The following PIWIL1 variants were observed in gnomAD, a reference collection of about 807,000 sequenced individuals.
PIWIL1 encodes piwi like RNA-mediated gene silencing 1.
PIWIL1 carries 73 observed loss-of-function variants against 114.4 expected under a neutral mutation model. The observed-to-expected ratio is 0.64, with a 90% CI of 0.53 to 0.78. The LOEUF is 0.78. PIWIL1 is among the 30% of genes least tolerant of loss of function. The pLI is 0.00. For synonymous variants in PIWIL1, 375 were observed against 369.0 expected (o/e 1.02, Z -0.19); for missense variants, 723 against 1,063.1 (o/e 0.68, Z 4.45).
At chr12:130,342,239 A>G in intron 1 of PIWIL1, 1 of 305,560 alleles carries the variant, frequency 3.3e-6, no homozygotes, top group Non-Finnish European at 6.2e-6. Context: ...GTATCTCCAA[A>G]TGGGAAAGAA....
chr12:130,371,170 T>A lies in PIWIL1; in HGVS notation c.2322-6T>A. The A allele has an allele frequency of 6.2e-7, 1 of 1,613,892 alleles. No homozygotes were observed. Among genetic ancestry groups the A allele is most frequent in the Non-Finnish European group, 8.5e-7 (1 of 1,179,820 alleles). On this transcript the variant is annotated splice_region_variant and splice_polypyrimidine_tract_variant and intron_variant, in intron 19 of 20. Transcript: ENST00000245255. ...CAGCACATCCGTGTGTTTTCTGTAA[T>A]TCCAGGTATGACTTTTTTATCGTGA...
chr12:130,424,657 G>A, the PIWIL1 span: 1 of 1,231,932 alleles, frequency 8.1e-7, no homozygotes, highest in Non-Finnish European at 1.0e-6. This position sits in a 1 kb window ranked among gnomAD's most constrained non-coding sequence, Gnocchi z 9.8. Flanking sequence ...CCCCTGTAGG[G>A]CCTGCCGGGC....
At chr12:130,399,830 G>A in the PIWIL1 span, 4 of 1,613,352 alleles carry the variant, frequency 2.5e-6, no homozygotes, top group Non-Finnish European at 2.5e-6. Flanking sequence ...CACCAGGGGT[G>A]AGGCAGAAGA....
chr12:130,347,992 G>A, intron 6 of PIWIL1, 111 bp from the exon 7 acceptor site: 1 of 619,320 alleles, frequency 1.6e-6, no homozygotes, highest in Non-Finnish European at 2.8e-6. Flanking sequence ...GGTTGGATTT[G>A]GCCTGGCTAC....
At chr12:130,354,060 T>TA (rs2073294084) in intron 9 of PIWIL1, among the ~76,000 whole-genome samples, 2 of 152,348 alleles carry the variant, frequency 1.3e-5, no homozygotes, top group African/African-American at 2.4e-5. Context: ...CAAGATTTTA[T>TA]AAAAAACTTT....
At chr12:130,362,859 A>G (rs1345888154) in intron 17 of PIWIL1, 23 bp downstream of exon 17, 3 of 1,612,896 alleles carry the variant, frequency 1.9e-6, no homozygotes. Flanking sequence ...TGGGGTTGCC[A>G]TTCTACTCTC....
chr12:130,353,805 A>G (rs572968195), intron 9 of PIWIL1, among the ~76,000 whole-genome samples: 1 of 150,762 alleles, frequency 6.6e-6, no homozygotes, highest in East Asian at 2.2e-4. Context: ...GTGCACCTGT[A>G]ATCCCAGCTA....
the PIWIL1 span, chr12:130,396,252 T>TATTA: frequency 6.6e-6 from 1 of 152,660 alleles, no homozygotes; most frequent in Admixed American, 6.5e-5. Flanking sequence ...TACCACATAC[T>TATTA]ATTATATTAC....
At chr12:130,347,220 A>G (rs1332517493) in intron 6 of PIWIL1, among the ~76,000 whole-genome samples, 158 bp downstream of exon 6, 1 of 152,210 alleles carries the variant, frequency 6.6e-6, no homozygotes, top group Non-Finnish European at 1.5e-5. Flanking sequence ...ACTGATAGAA[A>G]ATTCATCTAT....
chr12:130,417,990 G>T, the PIWIL1 span, among the ~76,000 whole-genome samples: 6 of 152,128 alleles, frequency 3.9e-5, no homozygotes, highest in East Asian at 1.2e-3. Flanking sequence ...GGGAGAAGCA[G>T]CCCAGTGTGA....
the PIWIL1 span, among the ~76,000 whole-genome samples, chr12:130,394,816 A>G: frequency 1.1e-5 from 1 of 92,034 alleles, no homozygotes; most frequent in Non-Finnish European, 2.8e-5. Flanking sequence ...AAAAATGTTT[A>G]TGTGCATGAG....
At chr12:130,417,864 T>G in the PIWIL1 span, among the ~76,000 whole-genome samples, 18 of 151,298 alleles carry the variant, frequency 1.2e-4, no homozygotes, top group African/African-American at 4.4e-4. Flanking sequence ...GGAGAGAGAA[T>G]GGGAGGGGAG....
the PIWIL1 span, chr12:130,412,677 C>T: frequency 6.2e-7 from 1 of 1,613,956 alleles, no homozygotes; most frequent in Admixed American, 1.7e-5. Context: ...GCTGATCCAT[C>T]ATCTCCTCAT....
chr12:130,371,120 C>G, intron 19 of PIWIL1, 56 bp from the exon 20 acceptor site: 5 of 1,456,362 alleles, frequency 3.4e-6, no homozygotes, highest in East Asian at 2.3e-5. Flanking sequence ...CTGTAAGAAA[C>G]TGGAATCACC....
chr12:130,402,878 G>A, the PIWIL1 span, among the ~76,000 whole-genome samples: 8 of 152,194 alleles, frequency 5.3e-5, no homozygotes, highest in East Asian at 3.8e-4. Context: ...TTCAGATACC[G>A]AGATGCTGGG....
intron 14 of PIWIL1, among the ~76,000 whole-genome samples, chr12:130,358,414 C>T (rs549187094): frequency 3.8e-4 from 58 of 152,298 alleles, no homozygotes; most frequent in Middle Eastern, 3.4e-3. Context: ...CACATCCCGG[C>T]TCAGCCATTT....
the PIWIL1 span, among the ~76,000 whole-genome samples, chr12:130,421,439 T>A: frequency 6.6e-6 from 1 of 152,254 alleles, no homozygotes; most frequent in Non-Finnish European, 1.5e-5. Flanking sequence ...TTGTTTGAAT[T>A]GTACAAGGAA....
intron 19 of PIWIL1, among the ~76,000 whole-genome samples, chr12:130,367,851 GCAGTAGCATAA>G (rs1366307220): frequency 6.6e-6 from 1 of 152,202 alleles, no homozygotes; most frequent in Non-Finnish European, 1.5e-5. Context: ...AGGCTGGAGT[GCAGTAGCATAA>G]TCTCGGCTCG....
At chr12:130,357,337 C>T (rs1405429015) in intron 13 of PIWIL1, 144 bp from the exon 14 acceptor site, 4 of 682,498 alleles carry the variant, frequency 5.9e-6, no homozygotes, top group Non-Finnish European at 7.4e-6. Context: ...GTATTAGAAA[C>T]AGCCCTTGGC....
Sources: gnomAD v4.1 joint callset for allele counts (sites outside exome capture counted in the v4.1 genomes callset) on GRCh38, gnomAD v4.1.1 for gene constraint, Gnocchi (gnomAD v3.1) non-coding constraint, MANE v1.5 for transcripts, NCBI Gene and HGNC (gene_info 2026-07-23, HGNC 2026-07-21) for gene names.